Variants in RGS8 observed in about 807,000 individuals in gnomAD.
RGS8 encodes the protein regulator of G-protein signaling 8.
In RGS8, 8 loss-of-function variants were observed where a neutral mutation model predicts 21.7. That is an observed-to-expected ratio of 0.37 (90% CI 0.22 to 0.66). The LOEUF is 0.66. Ranked by LOEUF, RGS8 falls within the 30% of genes least tolerant of loss-of-function variation. RGS8 has a pLI of 0.59. For synonymous variants in RGS8, 80 were observed against 83.6 expected (o/e 0.96, Z 0.24); for missense variants, 157 against 217.9 (o/e 0.72, Z 1.76).
intron 5 of RGS8, 83 bp downstream of exon 6, chr1:182,665,886 G>A: frequency 4.0e-6 from 5 of 1,242,112 alleles, no homozygotes; most frequent in Non-Finnish European, 5.9e-6. Context: ...GTACATACCT[G>A]CCTGGATCAT....
the RGS8 span, among the ~76,000 whole-genome samples, chr1:182,699,267 G>T: frequency 6.6e-6 from 1 of 152,214 alleles, no homozygotes. Flanking sequence ...ACATTGAAAG[G>T]GGGCCATGGC....
At chr1:182,681,746 C>T (rs1031743325) in intron 1 of RGS8, among the ~76,000 whole-genome samples, 5 of 152,210 alleles carry the variant, frequency 3.3e-5, no homozygotes, top group South Asian at 2.1e-4. Context: ...GGAGGAGGGA[C>T]GAGGGCTGTG....
chr1:182,648,021 T>C (rs1445836840), intron 6 of RGS8, 116 bp downstream of exon 7: 7 of 883,234 alleles, frequency 7.9e-6, no homozygotes, highest in Non-Finnish European at 9.6e-6. Context: ...ACCAGAGTGA[T>C]GAGGCTCAGT....
chr1:182,662,233 A>G (rs1663628023), intron 5 of RGS8, among the ~76,000 whole-genome samples: 1 of 152,184 alleles, frequency 6.6e-6, no homozygotes, highest in Admixed American at 6.5e-5. Context: ...GAAGCTTTTT[A>G]ACACAGGCAC....
chr1:182,649,602 G>A (rs1662897747), intron 5 of RGS8, among the ~76,000 whole-genome samples: 1 of 152,086 alleles, frequency 6.6e-6, no homozygotes, highest in Non-Finnish European at 1.5e-5. Flanking sequence ...ATATTGTCAA[G>A]CAGTGCTTCC....
chr1:182,670,147 T>G (rs973410503), intron 2 of RGS8, among the ~76,000 whole-genome samples: 3 of 152,238 alleles, frequency 2.0e-5, no homozygotes, highest in Admixed American at 1.3e-4. Flanking sequence ...GATTGGATGC[T>G]GCTCTGATTC....
the RGS8 span, among the ~76,000 whole-genome samples, chr1:182,732,301 A>ACACACACACACACC: frequency 0.01 from 1,520 of 150,596 alleles, 21 homozygotes; most frequent in East Asian, 0.029. Flanking sequence ...ACACACACAC[A>ACACACACACACACC]CCCACTGTAG....
chr1:182,722,856 T>G, the RGS8 span, among the ~76,000 whole-genome samples: 13 of 152,004 alleles, frequency 8.6e-5, no homozygotes, highest in African/African-American at 2.4e-4. Flanking sequence ...CGGGCGCCTG[T>G]AGTCCCAGCT....
chr1:182,664,763 A>G (rs1663771774), intron 5 of RGS8, among the ~76,000 whole-genome samples: 2 of 152,258 alleles, frequency 1.3e-5, no homozygotes, highest in Non-Finnish European at 2.9e-5. Context: ...ACAGAATACT[A>G]AAGTGACTGT....
In RGS8 at chr1:182,653,492, G is replaced by A. The variant is rs536209596; in HGVS notation, c.194-5189C>T. On this transcript the variant is annotated intron_variant, in intron 5 of 6. Coordinates refer to ENST00000483095, the Ensembl canonical transcript of RGS8. ...GAGCAGATTATGAGGTCAGGAGTTC[G>A]AGACCAGCCTGACCAACATGGTGAA... 4.6e-5 allele frequency among the ~76,000 whole-genome samples: 7 copies of A among 151,812 alleles called. No individual in the cohort carries two copies. In the East Asian group the frequency reaches 5.8e-4, roughly 13 times the overall value.
At chr1:182,646,074 T>G (rs1305001162), downstream of RGS8, 3 of 152,188 alleles carry the variant, frequency 2.0e-5, no homozygotes, top group African/African-American at 7.2e-5. Context: ...TTTCTGGAAA[T>G]GTAAGGTTAG....
At chr1:182,745,147 C>A in the RGS8 span, among the ~76,000 whole-genome samples, 1 of 152,354 alleles carries the variant, frequency 6.6e-6, no homozygotes, top group Middle Eastern at 3.4e-3. Context: ...AACATTCAAT[C>A]TGCAAGACAG....
At chr1:182,699,572 C>A in the RGS8 span, among the ~76,000 whole-genome samples, 9 of 152,244 alleles carry the variant, frequency 5.9e-5, no homozygotes, top group Non-Finnish European at 1.3e-4. Flanking sequence ...ATAGCTGTGT[C>A]CTTAGAAACT....
chr1:182,671,659 T>C, exon 2 of RGS8: 1 of 1,614,004 alleles, frequency 6.2e-7, no homozygotes, highest in Non-Finnish European at 8.5e-7. Context: ...ATACTCACTG[T>C]CTTTGGCCAG....
chr1:182,662,172 C>A (rs190975013), intron 5 of RGS8, among the ~76,000 whole-genome samples: 39 of 152,286 alleles, frequency 2.6e-4, no homozygotes, highest in Admixed American at 1.6e-3. Context: ...AGCAAAGTTG[C>A]TTTCTTTTGC....
chr1:182,664,281 A>AT (rs61468575), intron 5 of RGS8, among the ~76,000 whole-genome samples: 9,081 of 151,480 alleles, frequency 0.06, 876 homozygotes, highest in African/African-American at 0.21. Flanking sequence ...TAAAAGTATC[A>AT]TTTAAAAAAA....
rs779985771 is a variant in RGS8, at chr1:182,648,105, G to T, written c.360+32C>A. Reference sequence around the variant, plus strand: ...AGAGAAATGCAAGCTAGGAGCCATGGATAGACAGGATGGTCGCCGCTGCCA... The same window carrying T: ...AGAGAAATGCAAGCTAGGAGCCATGTATAGACAGGATGGTCGCCGCTGCCA... On this transcript the variant is annotated intron_variant, in intron 6 of 6. Coordinates refer to ENST00000483095, the Ensembl canonical transcript of RGS8. The T allele has an allele frequency of 3.2e-6, 5 of 1,570,750 alleles. No individual in the cohort carries two copies. In the African/African-American group the frequency reaches 6.8e-5, roughly 21 times the overall value.
the RGS8 span, among the ~76,000 whole-genome samples, chr1:182,737,834 G>A: frequency 1.3e-4 from 20 of 152,228 alleles, no homozygotes; most frequent in African/African-American, 4.8e-4. Context: ...GGGAGGATCT[G>A]AGGACCTCAG....
chr1:182,665,763 CA>C (rs1382127860), intron 5 of RGS8, among the ~76,000 whole-genome samples: 7 of 152,270 alleles, frequency 4.6e-5, no homozygotes, highest in African/African-American at 1.7e-4. Flanking sequence ...ACCCAGAAAA[CA>C]GAAAAGGAGG....
Sources: allele counts gnomAD v4.1 joint callset (sites outside exome capture counted in the v4.1 genomes callset), GRCh38; gene constraint gnomAD v4.1.1; transcripts MANE v1.5; gene names NCBI Gene and HGNC (gene_info 2026-07-23, HGNC 2026-07-21).